Variants in CHRM3 observed in about 807,000 individuals in gnomAD.
CHRM3 encodes the protein muscarinic acetylcholine receptor M3.
Under a neutral mutation model 41.8 loss-of-function variants are expected in CHRM3, and 11 were observed. The observed-to-expected ratio is 0.26, with a 90% CI of 0.17 to 0.44. The LOEUF is 0.44. Ranked by LOEUF, CHRM3 falls within the 20% of genes least tolerant of loss-of-function variation. The pLI is 1.00. For synonymous variants in CHRM3, 297 were observed against 301.4 expected (o/e 0.99, Z 0.15); for missense variants, 571 against 745.4 (o/e 0.77, Z 2.72).
At chr1:239,842,910 GTA>G (rs1303674016) in intron 6 of CHRM3, among the ~76,000 whole-genome samples, 1 of 152,100 alleles carries the variant, frequency 6.6e-6, no homozygotes, top group Non-Finnish European at 1.5e-5. Flanking sequence ...GTCCTACATG[GTA>G]TTTCTGCTTC....
At chr1:239,494,028 T>C (rs1040420806) in intron 2 of CHRM3, among the ~76,000 whole-genome samples, 24 of 152,210 alleles carry the variant, frequency 1.6e-4, no homozygotes, top group African/African-American at 4.8e-4. Context: ...TGGTAATGTA[T>C]GGGCTCTTGG....
chr1:239,517,362 C>G (rs1669341319), intron 2 of CHRM3, among the ~76,000 whole-genome samples: 1 of 152,202 alleles, frequency 6.6e-6, no homozygotes, highest in Non-Finnish European at 1.5e-5. Flanking sequence ...AGAGGTTAAA[C>G]AGCTTGCCCA....
intron 3 of CHRM3, among the ~76,000 whole-genome samples, chr1:239,586,733 A>G (rs564938053): frequency 2.0e-5 from 3 of 152,074 alleles, no homozygotes; most frequent in Admixed American, 2.0e-4. Context: ...GTGCTATAAG[A>G]CTCTAAATTT....
intron 5 of CHRM3, among the ~76,000 whole-genome samples, chr1:239,759,202 G>T (rs1666522766): frequency 1.7e-5 from 2 of 119,548 alleles, no homozygotes; most frequent in Admixed American, 9.9e-5. Flanking sequence ...TTTTTAGAGA[G>T]AGGCTTATCC....
intron 5 of CHRM3, among the ~76,000 whole-genome samples, chr1:239,738,903 G>A (rs2148479862): frequency 6.6e-6 from 1 of 152,284 alleles, no homozygotes; most frequent in South Asian, 2.1e-4. Flanking sequence ...TTTTGAGGTA[G>A]AAGCCTTGGT....
intron 5 of CHRM3, among the ~76,000 whole-genome samples, chr1:239,715,983 G>C (rs1201578189): frequency 6.6e-6 from 1 of 152,062 alleles, no homozygotes; most frequent in African/African-American, 2.4e-5. Context: ...CCATTCTGCA[G>C]AGTCACATGA....
intron 3 of CHRM3, among the ~76,000 whole-genome samples, chr1:239,619,632 G>A (rs1051934636): frequency 5.9e-5 from 9 of 151,992 alleles, no homozygotes; most frequent in Non-Finnish European, 8.8e-5. Flanking sequence ...GGTTTGTGGC[G>A]GAAGCACCCA....
intron 3 of CHRM3, among the ~76,000 whole-genome samples, chr1:239,580,893 C>T: frequency 6.6e-6 from 1 of 151,822 alleles, no homozygotes; most frequent in Middle Eastern, 3.4e-3. Context: ...ACAGATTTCT[C>T]CACCTTTGGC....
chr1:239,606,488 C>A (rs567546912), intron 3 of CHRM3, among the ~76,000 whole-genome samples: 124 of 152,306 alleles, frequency 8.1e-4, no homozygotes, highest in African/African-American at 2.8e-3. Flanking sequence ...GTTGGCCAGG[C>A]TGGTCTCAAT....
chr1:239,696,155 T>G (rs1660165897), intron 5 of CHRM3, among the ~76,000 whole-genome samples: 1 of 152,180 alleles, frequency 6.6e-6, no homozygotes, highest in Admixed American at 6.5e-5. Flanking sequence ...TTAACCTCCC[T>G]AAACTCCAGT....
Position 239,622,368 on chromosome 1 carries a change from C to T in CHRM3, c.-312-9856C>T, listed in dbSNP as rs536083157. On this transcript the variant is annotated intron_variant, in intron 3 of 6. Transcript: ENST00000676153. ...ATACATTTCATAAAGCTATAGCTGC[C>T]ATAGATTCTTGTGATGGATCTGGGC... 9.9e-5 allele frequency among the ~76,000 whole-genome samples: 15 copies of T among 152,190 alleles called. No homozygotes were observed. The South Asian group carries it at 3.1e-3, about 32-fold the overall frequency.
intron 1 of CHRM3, among the ~76,000 whole-genome samples, chr1:239,437,191 G>T (rs759482554): frequency 5.3e-5 from 8 of 152,132 alleles, no homozygotes; most frequent in Non-Finnish European, 1.0e-4. Context: ...ACAGCTCACT[G>T]CATCCTCCAC....
At chr1:239,887,510 A>G (rs527635662) in intron 6 of CHRM3, among the ~76,000 whole-genome samples, 1 of 152,358 alleles carries the variant, frequency 6.6e-6, no homozygotes, top group African/African-American at 2.4e-5. Context: ...GGCGTGAGCC[A>G]TGGTGCCAGG....
At chr1:239,762,749 T>G (rs1414430395) in intron 5 of CHRM3, among the ~76,000 whole-genome samples, 1 of 152,170 alleles carries the variant, frequency 6.6e-6, no homozygotes, top group Admixed American at 6.5e-5. Context: ...ACAAGTAGGA[T>G]GATCACAAAG....
At chr1:239,715,514 C>T (rs1303132832) in intron 5 of CHRM3, among the ~76,000 whole-genome samples, 1 of 151,998 alleles carries the variant, frequency 6.6e-6, no homozygotes, top group Non-Finnish European at 1.5e-5. Flanking sequence ...TTCAGAATAC[C>T]TTATTGAATG....
At chr1:239,847,683 A>C (rs1467541005) in intron 6 of CHRM3, among the ~76,000 whole-genome samples, 2 of 152,032 alleles carry the variant, frequency 1.3e-5, no homozygotes, top group African/African-American at 2.4e-5. Flanking sequence ...TGGGCAACAT[A>C]GTGAGACCTC....
intron 5 of CHRM3, among the ~76,000 whole-genome samples, chr1:239,731,031 C>CT (rs1242964663): frequency 6.6e-5 from 10 of 151,870 alleles, no homozygotes; most frequent in Admixed American, 2.0e-4. Flanking sequence ...AAAAATACAA[C>CT]TTTAAGTTTT....
intron 5 of CHRM3, among the ~76,000 whole-genome samples, chr1:239,765,493 T>C (rs192889747): frequency 1.5e-4 from 23 of 152,366 alleles, no homozygotes; most frequent in African/African-American, 4.1e-4. Context: ...ATTTTGACAG[T>C]CTGTGACATT....
chr1:239,661,620 G>A (rs1015862779), intron 4 of CHRM3, among the ~76,000 whole-genome samples: 4 of 152,162 alleles, frequency 2.6e-5, no homozygotes, highest in Non-Finnish European at 5.9e-5. Flanking sequence ...AAAACTGTGG[G>A]GACAGTAAAA....
Sources: allele counts gnomAD v4.1 joint callset (sites outside exome capture counted in the v4.1 genomes callset), GRCh38; gene constraint gnomAD v4.1.1; transcripts MANE v1.5; gene names NCBI Gene and HGNC (gene_info 2026-07-23, HGNC 2026-07-21).